CFTR: variants seen among roughly 807,000 people sequenced by gnomAD.
The protein encoded by CFTR is CF transmembrane conductance regulator.
CFTR carries 181 observed loss-of-function variants against 171.6 expected under a neutral mutation model. That is an observed-to-expected ratio of 1.05 (90% CI 0.93 to 1.19). The LOEUF (loss-of-function observed/expected upper bound fraction) is 1.19, where lower values mean the gene tolerates loss of function less well. CFTR is among the 50% of genes most tolerant of loss of function. CFTR has a pLI of 0.00. For missense variants in CFTR, 1,968 were observed against 1,734.7 expected, an observed-to-expected ratio of 1.13 and a Z score of -2.39; for synonymous variants, 583 against 608.0, an observed-to-expected ratio of 0.96 and a Z score of 0.60.
chr7:117,577,159 GA>G (rs1434223646), intron 11 of CFTR, among the ~76,000 whole-genome samples: 2 of 152,114 alleles, frequency 1.3e-5, no homozygotes, highest in African/African-American at 4.8e-5. Flanking sequence ...CAGGAAATGT[GA>G]AAACACAAAG....
At chr7:117,595,801 G>A (rs1430929739) in intron 15 of CFTR, among the ~76,000 whole-genome samples, 2 of 152,058 alleles carry the variant, frequency 1.3e-5, no homozygotes, top group Non-Finnish European at 2.9e-5. Flanking sequence ...TGGGAGAATC[G>A]CTTGAGCCTG....
intron 12 of CFTR, among the ~76,000 whole-genome samples, chr7:117,590,125 A>C (rs1019222799): frequency 4.6e-5 from 7 of 152,070 alleles, no homozygotes; most frequent in African/African-American, 1.2e-4. Context: ...AAAGTGATAA[A>C]AATCTTCTGC....
intron 11 of CFTR, among the ~76,000 whole-genome samples, chr7:117,573,708 A>G (rs1282860066): frequency 6.6e-6 from 1 of 152,158 alleles, no homozygotes. Flanking sequence ...TTGAAATGGC[A>G]GTGGAGGATG....
chr7:117,504,133 T>G, intron 1 of CFTR, 120 bp from the exon 2 acceptor site: 1 of 712,596 alleles, frequency 1.4e-6, no homozygotes, highest in South Asian at 1.5e-5. Flanking sequence ...TGACTTATTT[T>G]ATTCTCATAT....
In CFTR at chr7:117,667,576, T is replaced by C. The variant is rs569373813; in HGVS notation, c.*468T>C. On this transcript the variant is annotated 3_prime_UTR_variant, in exon 27 of 27. Coordinates refer to ENST00000003084, the MANE Select transcript of CFTR (RefSeq NM_000492.4). ...GGTTTATATAAGCTTGTATTCCTTT[T>C]TCTCTCCTCTCCCCATGATGTTTAG... 1 of 251,046 alleles carries C rather than the reference T, an allele frequency of 4.0e-6. No homozygotes were observed. Among genetic ancestry groups the C allele is most frequent in the Non-Finnish European group, 7.8e-6 (1 of 127,604 alleles). The allele number at this position is 251,046 out of a possible 1,614,324, so 15.6% of individuals were successfully genotyped here. A position where few individuals can be genotyped will look rare whatever the true frequency, so the allele number is the denominator to read the frequency against.
chr7:117,629,239 TG>T (rs1165723672), intron 22 of CFTR, among the ~76,000 whole-genome samples: 2 of 152,154 alleles, frequency 1.3e-5, no homozygotes, highest in South Asian at 4.1e-4. Flanking sequence ...CTAGGTACTT[TG>T]GGGGAATTGG....
In CFTR at chr7:117,535,415, G is replaced by A; in HGVS notation, c.743+4G>A. On this transcript the variant is annotated splice_donor_region_variant and intron_variant, in intron 6 of 26. Coordinates refer to ENST00000003084, the MANE Select transcript of CFTR (RefSeq NM_000492.4). ...GGAGAATGATGATGAAGTACAGGTA[G>A]CAACCTATTTTCATAACTTGAAAGT... 6.2e-7 allele frequency: 1 copy of A among 1,613,550 alleles called. No homozygotes were observed. Among genetic ancestry groups the A allele is most frequent in the South Asian group, 1.1e-5 (1 of 91,066 alleles).
chr7:117,557,464 T>C (rs766158394), intron 10 of CFTR, among the ~76,000 whole-genome samples: 23 of 152,148 alleles, frequency 1.5e-4, no homozygotes, highest in Non-Finnish European at 2.6e-4. Flanking sequence ...TTCTACTTGC[T>C]TTGCCATTAA....
chr7:117,548,722 A>G lies in CFTR; in HGVS notation c.1291A>G (p.Ser431Gly), dbSNP rs772853317. Reference protein sequence around the residue: ...TSNGDDSLFFSNFSLLGTPVL... With the variant: ...TSNGDDSLFFGNFSLLGTPVL... ...TAATGGTGATGACAGCCTCTTCTTC[A>G]GTAATTTCTCACTTCTTGGTACTCC... Residue 431 changes from serine to glycine, a missense_variant, in exon 10 of 27, where the codon AGT becomes GGT. Coordinates refer to ENST00000003084, the MANE Select transcript of CFTR (RefSeq NM_000492.4). 1.7e-5 allele frequency: 27 copies of G among 1,613,306 alleles called. No individual in the cohort carries two copies. In the South Asian group the frequency reaches 2.5e-4, roughly 15 times the overall value.
At chr7:117,523,359 T>TTTTTG (rs975392166) in intron 3 of CFTR, among the ~76,000 whole-genome samples, 2 of 150,462 alleles carry the variant, frequency 1.3e-5, no homozygotes, top group African/African-American at 4.9e-5. Context: ...TGTCTCTGAA[T>TTTTTG]TTTTGTTTTG....
chr7:117,548,784 A>G lies in CFTR; in HGVS notation c.1353A>G (p.Gly451=), dbSNP rs1220983447. The G allele has an allele frequency of 6.2e-7, 1 of 1,612,282 alleles. No homozygotes were observed. The highest frequency in any genetic ancestry group is 1.3e-5 in the African/African-American group (1 of 74,972). ...LKDINFKIER[G]QLLAVAGSTG... is the part of the protein sequence containing the mutation. The stretch of plus-strand genomic sequence containing the variant: ...ATATTAATTTCAAGATAGAAAGAGG[A>G]CAGTTGTTGGCGGTTGCTGGATCCA... The change falls in exon 10 of 27, where the codon GGA becomes GGG. Residue 451 remains glycine (G), a synonymous_variant. Transcript: ENST00000003084.
Position 117,535,831 on chromosome 7 carries a change from G to A in CFTR, c.743+420G>A, listed in dbSNP as rs540164000. On this transcript the variant is annotated intron_variant, in intron 6 of 26. Transcript: ENST00000003084. ...TTACAGGCATGAGCTACCGCGCCCG[G>A]CCTAAAAAATACTTTTTAAGATGGT... Among the ~76,000 whole-genome samples, 3 of 152,184 alleles carry A rather than the reference G, an allele frequency of 2.0e-5. No individual in the cohort carries two copies. The East Asian group carries it at 5.8e-4, about 29-fold the overall frequency.
At chr7:117,511,467 G>C (rs1234566731) in intron 3 of CFTR, among the ~76,000 whole-genome samples, 1 of 152,196 alleles carries the variant, frequency 6.6e-6, no homozygotes, top group Non-Finnish European at 1.5e-5. Flanking sequence ...TGAGTGGAAA[G>C]GTACTCCTGA....
At chr7:117,647,178 A>C (rs976233389) in intron 23 of CFTR, among the ~76,000 whole-genome samples, 2 of 151,856 alleles carry the variant, frequency 1.3e-5, no homozygotes, top group Non-Finnish European at 2.9e-5. Flanking sequence ...CCTAGACTTG[A>C]GTGTGTTACC....
chr7:117,494,457 T>C (rs949584069), intron 1 of CFTR, among the ~76,000 whole-genome samples: 1 of 152,102 alleles, frequency 6.6e-6, no homozygotes, highest in African/African-American at 2.4e-5. Context: ...CCAGAGCTTA[T>C]CAGAGCATTT....
chr7:117,564,641 G>A (rs1791572175), intron 11 of CFTR: 1 of 166,952 alleles, frequency 6.0e-6, no homozygotes, highest in African/African-American at 2.4e-5. Context: ...TGCCAAAGTT[G>A]ATCTGTTTCT....
At position 117,534,364 on chromosome 7, in the gene CFTR, A is replaced by G. The variant is rs755405930; in HGVS notation, c.578A>G (p.Glu193Gly). Residue 193 changes from glutamate to glycine, a missense_variant and splice_region_variant, in exon 5 of 27, where the codon GAA becomes GGA. By Grantham distance (98) the Glu-to-Gly change is moderately conservative (BLOSUM62 -2). Transcript: ENST00000003084. ...TCCAACAACCTGAACAAATTTGATG[A>G]AGTATGTACCTATTGATTTAATCTT... is the stretch of plus-strand genomic sequence containing the variant. ...LLSNNLNKFD[E>G]GLALAHFVWI... 6.7e-7 allele frequency: 1 copy of G among 1,498,446 alleles called. No individual in the cohort carries two copies. Among genetic ancestry groups the G allele is most frequent in the Non-Finnish European group, 9.3e-7 (1 of 1,075,332 alleles). The allele number at this position is 1,498,446 out of a possible 1,614,324, so 92.8% of individuals were successfully genotyped here. A position where few individuals can be genotyped will look rare whatever the true frequency, so the allele number is the denominator to read the frequency against.
chr7:117,609,423 A>C (rs1792348350), intron 18 of CFTR, among the ~76,000 whole-genome samples: 1 of 152,206 alleles, frequency 6.6e-6, no homozygotes, highest in South Asian at 2.1e-4. Flanking sequence ...ACTGAACAGC[A>C]TATGGATATT....
At chr7:117,571,725 A>G (rs1391014783) in intron 11 of CFTR, among the ~76,000 whole-genome samples, 1 of 152,212 alleles carries the variant, frequency 6.6e-6, no homozygotes, top group Non-Finnish European at 1.5e-5. Flanking sequence ...TTAGTTTTCA[A>G]AAACAAATAC....
Sources: allele counts gnomAD v4.1 joint callset (sites outside exome capture counted in the v4.1 genomes callset), GRCh38; gene constraint gnomAD v4.1.1; transcripts MANE v1.5; gene names NCBI Gene and HGNC (gene_info 2026-07-23, HGNC 2026-07-21).